Variants in TEN1 observed in about 807,000 individuals in gnomAD.
TEN1 encodes the protein CST complex subunit TEN1.
A neutral mutation model predicts 9.3 loss-of-function variants in TEN1; 6 were observed. The observed-to-expected ratio is 0.65, with a 90% CI of 0.35 to 1.27. The LOEUF (loss-of-function observed/expected upper bound fraction) is 1.27. Among genes scored for constraint, TEN1 ranks in the 50% most tolerant of loss-of-function variants. The pLI is 0.03. For synonymous variants in TEN1, 65 were observed against 65.6 expected (o/e 0.99, Z 0.04); for missense variants, 149 against 158.2 (o/e 0.94, Z 0.31).
intron 3 of TEN1, among the ~76,000 whole-genome samples, chr17:75,992,533 G>A (rs1264976783): frequency 6.6e-6 from 1 of 151,832 alleles, no homozygotes; most frequent in Admixed American, 6.6e-5. Context: ...TATTTTTTGA[G>A]ACGGAGTCTT....
chr17:75,998,476 T>A (rs562281086), intron 3 of TEN1, among the ~76,000 whole-genome samples: 94 of 152,202 alleles, frequency 6.2e-4, no homozygotes, highest in Middle Eastern at 3.4e-3. Context: ...GTGTCAGCAC[T>A]GGGGCTAACA....
chr17:75,983,846 T>C (rs1309668210), intron 1 of TEN1, among the ~76,000 whole-genome samples: 1 of 151,446 alleles, frequency 6.6e-6, no homozygotes, highest in Non-Finnish European at 1.5e-5. Flanking sequence ...GTGGGTGGGG[T>C]CCATGTGGAG....
At chr17:75,981,248 A>G (rs1347194748) in intron 1 of TEN1, among the ~76,000 whole-genome samples, 1 of 151,660 alleles carries the variant, frequency 6.6e-6, no homozygotes, top group Non-Finnish European at 1.5e-5. Flanking sequence ...GTGCAGTTGC[A>G]TGATTTCAGC....
At chr17:75,998,904 T>C (rs1176169185) in intron 3 of TEN1, among the ~76,000 whole-genome samples, 1 of 152,120 alleles carries the variant, frequency 6.6e-6, no homozygotes, top group Non-Finnish European at 1.5e-5. Context: ...TTGGCCAAGC[T>C]GGTCATGAAC....
intron 1 of TEN1, among the ~76,000 whole-genome samples, chr17:75,985,794 G>T (rs1256457228): frequency 6.6e-6 from 1 of 151,662 alleles, no homozygotes; most frequent in African/African-American, 2.4e-5. Context: ...AAAGTGCTGG[G>T]ATTATAGGCA....
At chr17:75,979,625 A>C (rs1046244842) in intron 1 of TEN1, 114 bp downstream of exon 1, 1 of 197,706 alleles carries the variant, frequency 5.1e-6, no homozygotes, top group Non-Finnish European at 1.1e-5. Context: ...CCGTGCCCCT[A>C]GGCCTCTCCG....
At chr17:75,999,427 C>T (rs1313235338) in intron 3 of TEN1, among the ~76,000 whole-genome samples, 4 of 152,092 alleles carry the variant, frequency 2.6e-5, no homozygotes, top group Admixed American at 6.5e-5. Flanking sequence ...ACTGCAACCT[C>T]CACCTCCTGG....
chr17:75,991,354 A>T, intron 2 of TEN1, 112 bp from the exon 3 acceptor site: 1 of 1,148,946 alleles, frequency 8.7e-7, no homozygotes, highest in Non-Finnish European at 1.2e-6. Flanking sequence ...CATTTCTGTG[A>T]TGAGACTGAG....
intron 3 of TEN1, among the ~76,000 whole-genome samples, chr17:75,998,692 A>G (rs147831084): frequency 9.2e-5 from 14 of 151,634 alleles, no homozygotes; most frequent in African/African-American, 2.4e-4. Flanking sequence ...CATTGAATCT[A>G]TTTATTTACT....
intron 3 of TEN1, among the ~76,000 whole-genome samples, chr17:75,993,469 C>A (rs1321587835): frequency 6.6e-6 from 1 of 152,112 alleles, no homozygotes; most frequent in Non-Finnish European, 1.5e-5. Context: ...TCAAAGTCAT[C>A]ACTTTAAAAG....
At chr17:75,980,604 T>C (rs1400256161) in intron 1 of TEN1, among the ~76,000 whole-genome samples, 1 of 152,056 alleles carries the variant, frequency 6.6e-6, no homozygotes, top group Non-Finnish European at 1.5e-5. Context: ...ATTGTATTTT[T>C]AGTAGAGACA....
chr17:75,989,456 G>A (rs959898057), intron 2 of TEN1, among the ~76,000 whole-genome samples: 1 of 151,468 alleles, frequency 6.6e-6, no homozygotes, highest in African/African-American at 2.4e-5. Flanking sequence ...TCTGTCGCCA[G>A]GCTGGAGTGC....
chr17:75,981,410 C>T (rs1292068270), intron 1 of TEN1, among the ~76,000 whole-genome samples: 2 of 152,030 alleles, frequency 1.3e-5, no homozygotes, highest in Non-Finnish European at 2.9e-5. Context: ...TGGTCTCCAA[C>T]TCCTGGCCTC....
At position 76,000,158 on chromosome 17, in the gene TEN1, A is replaced by C; in HGVS notation, c.268A>C (p.Lys90Gln). The stretch of plus-strand genomic sequence containing the variant: ...TCTTGCAGACAGAGGCTCCGTGGTG[A>C]AGGCGCGCGTGCTGACCTGTGTGGA... ...QHQQDRGSVV[K>Q]ARVLTCVEGM... The change falls in exon 4 of 4, where the codon AAG (lysine) becomes CAG (glutamine). Residue 90 changes from lysine (K) to glutamine (Q), a missense_variant. Lys to Gln is a moderately conservative substitution (Grantham distance 53). Coordinates refer to ENST00000397640, the MANE Select transcript of TEN1 (RefSeq NM_001113324.3). This position sits in a 1 kb window ranked among gnomAD's most constrained non-coding sequence, Gnocchi z 5.9. 1 of 1,551,014 alleles carries C rather than the reference A, an allele frequency of 6.4e-7. No homozygotes were observed.
intron 3 of TEN1, among the ~76,000 whole-genome samples, chr17:75,994,015 A>G (rs1453023729): frequency 6.6e-6 from 1 of 152,024 alleles, no homozygotes; most frequent in Non-Finnish European, 1.5e-5. Flanking sequence ...CAACAGAAGA[A>G]AAAACAAAAA....
At chr17:75,986,939 GTCAGTTATTTA>G (rs2066156155) in intron 2 of TEN1, among the ~76,000 whole-genome samples, 1 of 151,970 alleles carries the variant, frequency 6.6e-6, no homozygotes, top group African/African-American at 2.4e-5. Flanking sequence ...TATATACTCT[GTCAGTTATTTA>G]TCAGTTATAT....
intron 1 of TEN1, 198 bp from the exon 2 acceptor site, chr17:75,985,989 A>G (rs989629426): frequency 5.5e-6 from 2 of 363,854 alleles, no homozygotes; most frequent in Non-Finnish European, 1.0e-5. Context: ...TGCTGCACCC[A>G]TTAACTCGTC....
intron 3 of TEN1, among the ~76,000 whole-genome samples, chr17:75,999,409 C>A (rs908240048): frequency 6.6e-6 from 1 of 152,012 alleles, no homozygotes; most frequent in Non-Finnish European, 1.5e-5. Context: ...GTGGCGTGAT[C>A]TTGGCTCACT....
intron 1 of TEN1, among the ~76,000 whole-genome samples, chr17:75,981,092 GA>G (rs1362706900): frequency 2.0e-5 from 3 of 152,170 alleles, no homozygotes; most frequent in African/African-American, 7.2e-5. Context: ...CTTAGATGAA[GA>G]GCTAAATTTG....
Sources: gnomAD v4.1 joint callset for allele counts (sites outside exome capture counted in the v4.1 genomes callset) on GRCh38, gnomAD v4.1.1 for gene constraint, Gnocchi (gnomAD v3.1) non-coding constraint, MANE v1.5 for transcripts, NCBI Gene and HGNC (gene_info 2026-07-23, HGNC 2026-07-21) for gene names.